The following PGM3 variants were observed in gnomAD, a reference collection of about 807,000 sequenced individuals.
PGM3 encodes phosphoglucomutase 3, also known as phosphoacetylglucosamine mutase.
In PGM3, 40 loss-of-function variants were observed where a neutral mutation model predicts 66.2. That is an observed-to-expected ratio of 0.60 (90% CI 0.47 to 0.79). The LOEUF is 0.79. Ranked by LOEUF, PGM3 falls within the 30% of genes least tolerant of loss-of-function variation. PGM3 has a pLI of 0.00. For synonymous variants in PGM3, 191 were observed against 224.2 expected, an observed-to-expected ratio of 0.85 and a Z score of 1.32; for missense variants, 537 against 643.4, an observed-to-expected ratio of 0.83 and a Z score of 1.79.
At chr6:83,189,904 G>A (rs1257396734) in intron 2 of PGM3, among the ~76,000 whole-genome samples, 1 of 152,140 alleles carries the variant, frequency 6.6e-6, no homozygotes, top group Non-Finnish European at 1.5e-5. Context: ...AAATACTGCA[G>A]GCTCATAACA....
the PGM3 span, chr6:83,154,138 A>G: frequency 6.2e-7 from 1 of 1,611,352 alleles, no homozygotes; most frequent in Non-Finnish European, 8.5e-7. Flanking sequence ...GTTCTTTAAC[A>G]GTAACAACAT....
rs1785771055 is a variant in PGM3 at position 83,166,725 on chromosome 6, A to C, written c.*2509T>G. On this transcript the variant is annotated 3_prime_UTR_variant, in exon 13 of 13. Coordinates refer to ENST00000513973, the MANE Select transcript of PGM3 (RefSeq NM_015599.3). ...AGGATTTTACTTTAAAATAAGCAAT[A>C]AGCTTGAGAGCACATAGAAGAAAAT... 1 of 1,195,176 alleles carries C rather than the reference A, an allele frequency of 8.4e-7. No homozygotes were observed. 74.0% of individuals were successfully genotyped at this position (1,195,176 alleles called of 1,614,324 possible). A position where few individuals can be genotyped will look rare whatever the true frequency, so the allele number is the denominator to read the frequency against.
chr6:83,175,449 A>T (rs1009976534), intron 9 of PGM3, among the ~76,000 whole-genome samples: 2 of 152,214 alleles, frequency 1.3e-5, no homozygotes, highest in Non-Finnish European at 2.9e-5. Context: ...TCATTAAATG[A>T]GGTGAGTATA....
At position 83,172,073 on chromosome 6, in the gene PGM3, A is replaced by G. The variant is rs184493977; in HGVS notation, c.1243-14T>C. 8 of 1,612,294 alleles carry G rather than the reference A, an allele frequency of 5.0e-6. No individual in the cohort carries two copies. Among genetic ancestry groups the G allele is most frequent in the Non-Finnish European group, 5.9e-6 (7 of 1,179,516 alleles). On this transcript the variant is annotated splice_polypyrimidine_tract_variant and intron_variant, in intron 10 of 12. Coordinates refer to ENST00000513973, the MANE Select transcript of PGM3 (RefSeq NM_015599.3). ...ATCACCAGCTGCCTGCAAATGGGGA[A>G]ACAAATGGAAGAAACCACTTAACAC... is the stretch of plus-strand genomic sequence containing the variant.
chr6:83,172,625 C>T (rs541480035), intron 10 of PGM3, among the ~76,000 whole-genome samples: 4 of 152,230 alleles, frequency 2.6e-5, no homozygotes, highest in South Asian at 2.1e-4. Flanking sequence ...CGCCACTGCA[C>T]TCCAGCGTGG....
chr6:83,187,353 A>C (rs1257069859), intron 3 of PGM3, among the ~76,000 whole-genome samples: 2 of 152,238 alleles, frequency 1.3e-5, no homozygotes. Context: ...ATACCTTTTC[A>C]AGTTCGACTA....
At chr6:83,158,928 A>G (rs142522110), downstream of PGM3, among the ~76,000 whole-genome samples, 18 of 152,332 alleles carry the variant, frequency 1.2e-4, no homozygotes, top group Non-Finnish European at 2.4e-4. Flanking sequence ...ACATTGCAAC[A>G]TATAGCCAAC....
chr6:83,153,594 T>C, the PGM3 span: 2 of 1,604,860 alleles, frequency 1.2e-6, no homozygotes, highest in Non-Finnish European at 1.7e-6. Flanking sequence ...TTATGCATTA[T>C]GTTGTGCCCT....
At position 83,168,332 on chromosome 6, in the gene PGM3, T is replaced by C; in HGVS notation, c.*902A>G. 7.1e-7 allele frequency: 1 copy of C among 1,415,624 alleles called. No individual in the cohort carries two copies. The highest frequency in any genetic ancestry group is 9.2e-7 in the Non-Finnish European group (1 of 1,090,386). The allele number at this position is 1,415,624 out of a possible 1,614,324, so 87.7% of individuals were successfully genotyped here. ...TAAGAGCAAATGTCTGAATGTGGCC[T>C]GAATCAAGTTTAAATATTGTTGGCT... On this transcript the variant is annotated 3_prime_UTR_variant, in exon 13 of 13. Transcript: ENST00000513973.
At chr6:83,191,817 CCT>C (rs1325354694) in intron 1 of PGM3, among the ~76,000 whole-genome samples, 1 of 151,412 alleles carries the variant, frequency 6.6e-6, no homozygotes, top group Admixed American at 6.6e-5. Context: ...GGCGAAACCG[CCT>C]CTCTATTAAA....
intron 12 of PGM3, chr6:83,169,597 T>G: frequency 2.1e-6 from 1 of 465,318 alleles, no homozygotes; most frequent in Non-Finnish European, 4.0e-6. Flanking sequence ...AAAAATTCAA[T>G]AAAACTTTAA....
intron 4 of PGM3, among the ~76,000 whole-genome samples, chr6:83,185,870 C>T: frequency 6.6e-6 from 1 of 151,774 alleles, no homozygotes; most frequent in Non-Finnish European, 1.5e-5. Flanking sequence ...AAAGAGGGTC[C>T]CGAGGAATGC....
the PGM3 span, among the ~76,000 whole-genome samples, chr6:83,149,957 C>T: frequency 6.6e-6 from 1 of 152,188 alleles, no homozygotes; most frequent in Non-Finnish European, 1.5e-5. Context: ...TCCTAATTGT[C>T]CAATCACCAG....
At chr6:83,149,249 C>T in the PGM3 span, among the ~76,000 whole-genome samples, 4 of 152,070 alleles carry the variant, frequency 2.6e-5, no homozygotes, top group African/African-American at 9.7e-5. Flanking sequence ...AAATTTTTCT[C>T]TTTGTGTCTT....
rs1027526639 is a variant in PGM3 at position 83,168,919 on chromosome 6, G to T, written c.*315C>A. The T allele has an allele frequency of 9.2e-7, 1 of 1,090,070 alleles. No individual in the cohort carries two copies. 67.5% of individuals were successfully genotyped at this position (1,090,070 alleles called of 1,614,324 possible). ...AGATATCACAAGGAGTTGGTAATAA[G>T]ATTTAATTTTCCAGTAGCCTGCATG... On this transcript the variant is annotated 3_prime_UTR_variant, in exon 13 of 13. Transcript: ENST00000513973.
chr6:83,159,692 C>G (rs758416021), downstream of PGM3: 18 of 1,288,456 alleles, frequency 1.4e-5, no homozygotes, highest in Middle Eastern at 1.9e-4. Flanking sequence ...GCACATTTAT[C>G]TCAGGATGAT....
the PGM3 span, among the ~76,000 whole-genome samples, chr6:83,151,125 T>A: frequency 1.3e-5 from 2 of 152,238 alleles, no homozygotes; most frequent in East Asian, 3.8e-4. Flanking sequence ...CTGTAATTTT[T>A]CATTGTTGTT....
chr6:83,171,814 G>T, intron 11 of PGM3, 123 bp downstream of exon 11: 1 of 758,680 alleles, frequency 1.3e-6, no homozygotes, highest in Non-Finnish European at 2.1e-6. Context: ...TATTTTCTAT[G>T]TATCATATGT....
At chr6:83,160,380 G>T (rs553252870), downstream of PGM3, among the ~76,000 whole-genome samples, 1 of 152,362 alleles carries the variant, frequency 6.6e-6, no homozygotes, top group South Asian at 2.1e-4. Context: ...AGAGGCAGCT[G>T]CAGACATGAT....
Sources: gnomAD v4.1 joint callset for allele counts (sites outside exome capture counted in the v4.1 genomes callset) on GRCh38, gnomAD v4.1.1 for gene constraint, MANE v1.5 for transcripts, NCBI Gene and HGNC (gene_info 2026-07-23, HGNC 2026-07-21) for gene names.